SEC31A: variants seen among roughly 807,000 people sequenced by gnomAD.
SEC31A encodes the protein protein transport protein Sec31A.
A neutral mutation model predicts 151.0 loss-of-function variants in SEC31A; 70 were observed. The ratio of observed to expected loss-of-function variants is 0.46; its 90% CI spans 0.38 to 0.57. The LOEUF is 0.57. Among genes scored for constraint, SEC31A ranks in the 20% least tolerant of loss-of-function variants. SEC31A has a pLI of 0.00. For missense variants in SEC31A, 1,330 were observed against 1,471.2 expected (o/e 0.90, Z 1.57); for synonymous variants, 475 against 505.9 (o/e 0.94, Z 0.82).
chr4:82,853,594 A>G lies in SEC31A; in HGVS notation c.2130T>C (p.Asp710=). Residue 710 remains aspartate, a synonymous_variant, in exon 18 of 27, where the codon GAT becomes GAC. Coordinates refer to ENST00000395310, the MANE Select transcript of SEC31A (RefSeq NM_001077207.4). The part of the protein sequence containing the change: ...KLVACWTKAQ[D]GSHPLSLQDL... ...CCTGAAGTGACAAAGGGTGGCTTCC[A>G]TCTTGAGCTTTAGTCCAACATGCAA... 8 of 1,585,850 alleles carry G rather than the reference A, an allele frequency of 5.0e-6. No individual in the cohort carries two copies. The highest frequency in any genetic ancestry group is 6.8e-6 in the Non-Finnish European group (8 of 1,172,604).
chr4:82,828,445 CATT>C (rs1389344758), intron 23 of SEC31A, among the ~76,000 whole-genome samples: 2 of 151,940 alleles, frequency 1.3e-5, no homozygotes, highest in African/African-American at 2.4e-5. Context: ...TATGGCCTCT[CATT>C]AGTATAGTTG....
rs371099341 is a variant in SEC31A, at chr4:82,851,610, T to C, written c.2155-6A>G. ...ACAACTTTCTCAATCAGATCCTAAA[T>C]GAAAAAAATGAGTAACAAACAGAAA... On this transcript the variant is annotated splice_polypyrimidine_tract_variant and splice_region_variant and intron_variant, in intron 18 of 26. Transcript: ENST00000395310. The C allele has an allele frequency of 1.8e-5, 28 of 1,595,370 alleles. No individual in the cohort carries two copies. Among genetic ancestry groups the C allele is most frequent in the African/African-American group, 4.1e-5 (3 of 74,020 alleles).
chr4:82,870,371 C>G lies in SEC31A; in HGVS notation c.836G>C (p.Cys279Ser), dbSNP rs1368830130. 6.2e-7 allele frequency: 1 copy of G among 1,613,866 alleles called. No homozygotes were observed. The highest frequency in any genetic ancestry group is 8.5e-7 in the Non-Finnish European group (1 of 1,179,908). The change falls in exon 8 of 27, where the codon TGT (cysteine) becomes TCT (serine). Residue 279 changes from cysteine to serine, a missense_variant. By Grantham distance (112) the Cys-to-Ser change is moderately radical. Coordinates refer to ENST00000395310, the MANE Select transcript of SEC31A (RefSeq NM_001077207.4). ...GCAGAGAATCTTAGCATCTTTTCCA[C>G]AGCTCAGTAACAATTCAGGATCTGC... Reference protein sequence around the residue: ...SMADPELLLSCGKDAKILCSN... With the variant: ...SMADPELLLSSGKDAKILCSN...
At position 82,854,991 on chromosome 4, in the gene SEC31A, A is replaced by G. The variant is rs1213340519; in HGVS notation, c.1920T>C (p.Ile640=). Residue 640 remains isoleucine (I), a synonymous_variant, in exon 17 of 27, where the codon ATT becomes ATC. Coordinates refer to ENST00000395310, the MANE Select transcript of SEC31A (RefSeq NM_001077207.4). ...AATTTTTAAGATCACAAGACTCAAC[A>G]ATCTCTTTCCAGTTCTTCATCACCA... The part of the protein sequence containing the change: ...TAVVMKNWKE[I]VESCDLKNWR... 1 of 1,613,786 alleles carries G rather than the reference A, an allele frequency of 6.2e-7. No homozygotes were observed. The highest frequency in any genetic ancestry group is 1.1e-5 in the South Asian group (1 of 91,012).
rs750147171 is a variant in SEC31A, at chr4:82,844,378, C to T, written c.2626+8G>A. 7.4e-6 allele frequency: 12 copies of T among 1,612,536 alleles called. No individual in the cohort carries two copies. The highest frequency in any genetic ancestry group is 6.7e-5 in the East Asian group (3 of 44,838). Reference sequence around the variant, plus strand: ...GCTCTGAAAGGACTTTGGGGTCACACTACTTACGCTGTGGCTGTGGATAAG... The same window carrying T: ...GCTCTGAAAGGACTTTGGGGTCACATTACTTACGCTGTGGCTGTGGATAAG... On this transcript the variant is annotated splice_region_variant and intron_variant, in intron 21 of 26. Transcript: ENST00000395310.
chr4:82,871,292 T>C (rs1395894100), intron 7 of SEC31A: 2 of 1,387,896 alleles, frequency 1.4e-6, no homozygotes, highest in Admixed American at 6.3e-5. Context: ...ATAAAAATTA[T>C]ATTGGGATTA....
At chr4:82,891,230 C>T (rs1364606740), upstream of SEC31A, 2 of 1,468,700 alleles carry the variant, frequency 1.4e-6, no homozygotes, top group Non-Finnish European at 1.8e-6. Context: ...CAGCCACGCC[C>T]TGCGCCCAAC....
chr4:82,843,314 CT>C (rs1326791868), intron 21 of SEC31A, among the ~76,000 whole-genome samples: 1 of 151,934 alleles, frequency 6.6e-6, no homozygotes, highest in East Asian at 1.9e-4. Context: ...TTACATTTTT[CT>C]TTTGTAGAGA....
chr4:82,853,830 A>G (rs1731967801), intron 17 of SEC31A, 115 bp from the exon 18 acceptor site: 1 of 715,756 alleles, frequency 1.4e-6, no homozygotes, highest in African/African-American at 1.9e-5. Flanking sequence ...ACCAATGAAT[A>G]GCATAGAGAA....
At chr4:82,847,768 A>G (rs1176192403) in intron 20 of SEC31A, among the ~76,000 whole-genome samples, 4 of 152,210 alleles carry the variant, frequency 2.6e-5, no homozygotes, top group African/African-American at 9.6e-5. Context: ...GTTCATAACT[A>G]TACCCCCACA....
chr4:82,886,098 A>T (rs1439649542), intron 1 of SEC31A, among the ~76,000 whole-genome samples: 1 of 152,236 alleles, frequency 6.6e-6, no homozygotes, highest in East Asian at 1.9e-4. Flanking sequence ...TTCTACTTCC[A>T]ACAAGTTCAG....
chr4:82,822,301 A>T (rs1230956527), intron 25 of SEC31A, among the ~76,000 whole-genome samples: 1 of 151,078 alleles, frequency 6.6e-6, no homozygotes, highest in Non-Finnish European at 1.5e-5. Flanking sequence ...TTAATAGAGG[A>T]AGGGGGCTAA....
At position 82,864,521 on chromosome 4, in the gene SEC31A, G is replaced by A; in HGVS notation, c.1275C>T (p.His425=). The A allele has an allele frequency of 1.9e-6, 3 of 1,613,854 alleles. No homozygotes were observed. The South Asian group carries it at 3.3e-5, about 18-fold the overall frequency. The change falls in exon 11 of 27, where the codon CAC becomes CAT. Residue 425 remains histidine (H), a synonymous_variant. Transcript: ENST00000395310. ...TTACAACCTGACTAATGAACACATG[G>A]TGCTGCTGCTGCTGCTGCTCAGCTC... ...HQGAEQQQQQ[H]HVFISQVVTE... is the part of the protein sequence containing the mutation.
rs1050301723 is a variant in SEC31A, at chr4:82,874,748, G to A, written c.502C>T (p.Pro168Ser). ...CATGCAATGCAGCTGATATCTTCTG[G>A]CGGCTACAAGGAAGAAACAGTTAAT... ...PMTPGAKTQPPEDISCIAWNR... is the reference protein window; with the variant it reads ...PMTPGAKTQPSEDISCIAWNR... The change falls in exon 6 of 27, where the codon CCA (proline) becomes TCA (serine). Residue 168 changes from proline (P) to serine (S), a missense_variant. By Grantham distance (74) the Pro-to-Ser change is moderately conservative. Transcript: ENST00000395310. 3.1e-6 allele frequency: 5 copies of A among 1,602,176 alleles called. No individual in the cohort carries two copies. The Admixed American group carries it at 7.2e-5, about 23-fold the overall frequency.
chr4:82,825,952 G>A (rs548478142), intron 24 of SEC31A, among the ~76,000 whole-genome samples: 2 of 152,182 alleles, frequency 1.3e-5, no homozygotes, highest in Non-Finnish European at 2.9e-5. Flanking sequence ...AAAAGATTAT[G>A]GTGCCACTCA....
At chr4:82,874,873 C>G in intron 5 of SEC31A, 122 bp from the exon 6 acceptor site, 2 of 1,209,274 alleles carry the variant, frequency 1.7e-6, no homozygotes, top group Non-Finnish European at 2.3e-6. Flanking sequence ...ATTTATGCCA[C>G]AAATTTGCTT....
intron 24 of SEC31A, among the ~76,000 whole-genome samples, 169 bp downstream of exon 24, chr4:82,827,199 AT>A (rs1469934183): frequency 6.6e-6 from 1 of 152,232 alleles, no homozygotes; most frequent in African/African-American, 2.4e-5. Context: ...TGGCCATGTA[AT>A]TGAAAAATAA....
At chr4:82,821,373 C>A in intron 25 of SEC31A, 1 of 290,090 alleles carries the variant, frequency 3.4e-6, no homozygotes, top group South Asian at 4.6e-5. Context: ...ATGGTGAAAC[C>A]CTGTCTCTAC....
chr4:82,825,140 T>C (rs1258574943), intron 24 of SEC31A, among the ~76,000 whole-genome samples: 1 of 152,246 alleles, frequency 6.6e-6, no homozygotes, highest in Non-Finnish European at 1.5e-5. Flanking sequence ...ACTGCAAGAT[T>C]AAGCCAAAGA....
Sources: allele counts gnomAD v4.1 joint callset (sites outside exome capture counted in the v4.1 genomes callset), GRCh38; gene constraint gnomAD v4.1.1; transcripts MANE v1.5; gene names NCBI Gene and HGNC (gene_info 2026-07-23, HGNC 2026-07-21).